Variants in GLI2 observed in about 807,000 individuals in gnomAD.
GLI2 encodes the protein transcription activator GLI2.
A neutral mutation model predicts 78.9 loss-of-function variants in GLI2; 22 were observed. That is an observed-to-expected ratio of 0.28 (90% CI 0.20 to 0.40). GLI2 has a LOEUF of 0.40. GLI2 is among the 10% of genes least tolerant of loss of function. The pLI is 1.00. For synonymous variants in GLI2, 974 were observed against 963.7 expected (o/e 1.01, Z -0.20); for missense variants, 2,097 against 2,213.2 (o/e 0.95, Z 1.05).
chr2:120,919,968 G>A (rs1394048138), intron 2 of GLI2, among the ~76,000 whole-genome samples: 3 of 152,262 alleles, frequency 2.0e-5, no homozygotes, highest in Non-Finnish European at 4.4e-5. Context: ...CCTGTATGGT[G>A]CAAGGCTGGG....
chr2:120,913,311 G>A (rs1009232637), intron 2 of GLI2, among the ~76,000 whole-genome samples: 3 of 152,160 alleles, frequency 2.0e-5, no homozygotes, highest in Non-Finnish European at 4.4e-5. Context: ...GTGCAAGATA[G>A]GTACCAGGTT....
At chr2:120,912,274 GTTT>G (rs564285080) in intron 2 of GLI2, among the ~76,000 whole-genome samples, 10 of 136,878 alleles carry the variant, frequency 7.3e-5, no homozygotes, top group East Asian at 2.1e-4. Context: ...TTTGCAAGAG[GTTT>G]TTTTTTTTTT....
chr2:120,929,814 C>T (rs191206748), intron 3 of GLI2, among the ~76,000 whole-genome samples: 1 of 152,344 alleles, frequency 6.6e-6, no homozygotes, highest in Non-Finnish European at 1.5e-5. Flanking sequence ...CTCTGCTCAC[C>T]TCCAGGGCCC....
intron 1 of GLI2, among the ~76,000 whole-genome samples, chr2:120,753,613 T>C (rs1682943772): frequency 6.6e-6 from 1 of 152,212 alleles, no homozygotes; most frequent in East Asian, 1.9e-4. Context: ...TAAAGCTATT[T>C]CCAGGCTGGG....
chr2:120,972,316 G>C (rs1050120985), intron 8 of GLI2, among the ~76,000 whole-genome samples: 1 of 152,208 alleles, frequency 6.6e-6, no homozygotes, highest in African/African-American at 2.4e-5. Flanking sequence ...CTTCTGCCTA[G>C]CCATCCCTCT....
At chr2:120,977,534 G>A (rs992833399) in intron 9 of GLI2, among the ~76,000 whole-genome samples, 1 of 152,150 alleles carries the variant, frequency 6.6e-6, no homozygotes, top group East Asian at 1.9e-4. Flanking sequence ...GACAGTGTGG[G>A]TCTAGAGGTT....
chr2:120,916,081 C>T (rs1009660423), intron 2 of GLI2, among the ~76,000 whole-genome samples: 8 of 152,194 alleles, frequency 5.3e-5, no homozygotes, highest in Non-Finnish European at 1.0e-4. Flanking sequence ...CCGGGGTGGT[C>T]CCTGGAGCAG....
chr2:120,989,954 G>T lies in GLI2; in HGVS notation c.3989G>T (p.Arg1330Leu). The change falls in exon 14 of 14, where the codon CGC becomes CTC. Residue 1330 changes from arginine (R) to leucine (L), a missense_variant. Coordinates refer to ENST00000361492, the MANE Select transcript of GLI2 (RefSeq NM_001374353.1). The part of the protein sequence containing the change: ...YHQVPSLLPA[R>L]QPGFMEPQTG... Reference sequence around the variant, plus strand: ...CAGGTCCCCAGCCTTCTGCCTGCCCGCCAGCCTGGCTTCATGGAGCCCCAA... The same window carrying T: ...CAGGTCCCCAGCCTTCTGCCTGCCCTCCAGCCTGGCTTCATGGAGCCCCAA... The T allele has an allele frequency of 6.2e-7, 1 of 1,610,800 alleles. No homozygotes were observed. The highest frequency in any genetic ancestry group is 8.5e-7 in the Non-Finnish European group (1 of 1,178,992).
chr2:120,794,654 G>A (rs115403182), intron 1 of GLI2, among the ~76,000 whole-genome samples: 29 of 152,182 alleles, frequency 1.9e-4, no homozygotes, highest in African/African-American at 6.7e-4. Context: ...AGAGGAGGAA[G>A]GTGTCTTAAG....
At chr2:120,961,589 C>T (rs193027766) in intron 5 of GLI2, among the ~76,000 whole-genome samples, 34 of 152,344 alleles carry the variant, frequency 2.2e-4, no homozygotes, top group African/African-American at 7.9e-4. Flanking sequence ...GTCCTGGCAA[C>T]TCTGAGCCTC....
At chr2:120,967,011 A>T (rs1248864818) in intron 5 of GLI2, among the ~76,000 whole-genome samples, 1 of 152,202 alleles carries the variant, frequency 6.6e-6, no homozygotes, top group Non-Finnish European at 1.5e-5. Context: ...TGCCTGGAGG[A>T]GGGGGCACCC....
At position 120,737,298 on chromosome 2, in the gene GLI2, G is replaced by A. The variant is rs1485506171; in HGVS notation, c.-31+1013G>A. Among the ~76,000 whole-genome samples the A allele has an allele frequency of 1.3e-5, 2 of 151,966 alleles. No homozygotes were observed. Among genetic ancestry groups the A allele is most frequent in the East Asian group, 1.9e-4 (1 of 5,166 alleles). On this transcript the variant is annotated intron_variant, in intron 1 of 13. Coordinates refer to ENST00000361492, the MANE Select transcript of GLI2 (RefSeq NM_001374353.1). The surrounding 1 kb of genome is among the most constrained non-coding windows in gnomAD (Gnocchi z 4.3). ...CAGCTCGGCGCCTTTTCAGCCCGGC[G>A]GTAACTGCTGTCATTTCCTAGGAAA...
intron 3 of GLI2, among the ~76,000 whole-genome samples, chr2:120,939,979 G>T (rs1215779628): frequency 6.6e-6 from 1 of 152,182 alleles, no homozygotes; most frequent in Non-Finnish European, 1.5e-5. Context: ...TTGCCAAAAT[G>T]GCTCTTTTCT....
intron 1 of GLI2, among the ~76,000 whole-genome samples, chr2:120,783,558 G>A (rs1324109568): frequency 1.3e-5 from 2 of 151,890 alleles, no homozygotes; most frequent in African/African-American, 4.8e-5. Context: ...AGAGGGGGAA[G>A]AGCAAGCAGC....
chr2:120,841,937 A>C (rs764449211), intron 2 of GLI2, among the ~76,000 whole-genome samples: 10 of 149,906 alleles, frequency 6.7e-5, no homozygotes, highest in Non-Finnish European at 1.3e-4. Context: ...CCTTCACTCC[A>C]GTTCACTTTT....
chr2:120,885,096 C>CAAAT (rs1355032826), intron 2 of GLI2, among the ~76,000 whole-genome samples: 7 of 152,198 alleles, frequency 4.6e-5, no homozygotes, highest in Admixed American at 2.0e-4. Flanking sequence ...TATTGCCTTT[C>CAAAT]AAATACAGCT....
intron 2 of GLI2, among the ~76,000 whole-genome samples, chr2:120,906,262 T>G (rs1678527767): frequency 6.6e-6 from 1 of 152,096 alleles, no homozygotes; most frequent in South Asian, 2.1e-4. Context: ...TGGTTTCCCC[T>G]CTCCCTGCCT....
chr2:120,845,048 G>C (rs1009444573), intron 2 of GLI2, among the ~76,000 whole-genome samples: 1 of 152,086 alleles, frequency 6.6e-6, no homozygotes, highest in Non-Finnish European at 1.5e-5. Flanking sequence ...TGAGGTGGGT[G>C]GATCACTTGA....
At chr2:120,879,845 G>A (rs1010338775) in intron 2 of GLI2, among the ~76,000 whole-genome samples, 6 of 152,210 alleles carry the variant, frequency 3.9e-5, no homozygotes, top group South Asian at 2.1e-4. Context: ...CGCGGGAGGC[G>A]GGCTCTTGAG....
Sources: allele counts gnomAD v4.1 joint callset (sites outside exome capture counted in the v4.1 genomes callset), GRCh38; gene constraint gnomAD v4.1.1; non-coding constraint Gnocchi (gnomAD v3.1); transcripts MANE v1.5; gene names NCBI Gene and HGNC (gene_info 2026-07-23, HGNC 2026-07-21).